Variants in PIWIL4 observed in about 807,000 individuals in gnomAD.
PIWIL4 encodes piwi like RNA-mediated gene silencing 4, also known as piwi-like protein 4.
A neutral mutation model predicts 100.9 loss-of-function variants in PIWIL4; 50 were observed. The ratio of observed to expected loss-of-function variants is 0.50; its 90% confidence interval spans 0.39 to 0.63. PIWIL4 has a LOEUF of 0.63. Ranked by LOEUF, PIWIL4 falls within the 20% of genes least tolerant of loss-of-function variation. PIWIL4 has a pLI of 0.00. For synonymous variants in PIWIL4, 342 were observed against 367.5 expected (o/e 0.93, Z 0.79); for missense variants, 887 against 1,043.3 (o/e 0.85, Z 2.06).
At chr11:94,579,785 C>T (rs1295935723) in intron 4 of PIWIL4, among the ~76,000 whole-genome samples, 1 of 152,156 alleles carries the variant, frequency 6.6e-6, no homozygotes, top group Non-Finnish European at 1.5e-5. Flanking sequence ...TTTATTGATC[C>T]TTCAATTCTT....
intron 13 of PIWIL4, 84 bp from the exon 14 acceptor site, chr11:94,607,355 A>T: frequency 8.2e-7 from 1 of 1,226,720 alleles, no homozygotes; most frequent in Non-Finnish European, 1.2e-6. Flanking sequence ...TTTGGAGAAT[A>T]ATTCATGAAT....
At chr11:94,612,597 C>CT (rs1199690188) in intron 15 of PIWIL4, among the ~76,000 whole-genome samples, 1 of 151,958 alleles carries the variant, frequency 6.6e-6, no homozygotes, top group Non-Finnish European at 1.5e-5. Flanking sequence ...TGTTTTCTGG[C>CT]TTTTTTGTAG....
intron 14 of PIWIL4, 131 bp downstream of exon 14, chr11:94,607,770 G>C: frequency 1.1e-6 from 1 of 947,312 alleles, no homozygotes; most frequent in Non-Finnish European, 1.5e-6. Flanking sequence ...CCTGGGTTCT[G>C]GCATTCCATA....
intron 2 of PIWIL4, among the ~76,000 whole-genome samples, chr11:94,570,780 T>G (rs751550377): frequency 4.6e-5 from 7 of 152,116 alleles, no homozygotes; most frequent in Non-Finnish European, 1.0e-4. Flanking sequence ...TAATCCCAGC[T>G]GCTTGGGAGG....
intron 6 of PIWIL4, among the ~76,000 whole-genome samples, chr11:94,585,929 T>G (rs1463314110): frequency 6.6e-6 from 1 of 152,146 alleles, no homozygotes; most frequent in Non-Finnish European, 1.5e-5. Flanking sequence ...ATAGAATCCT[T>G]ATGAACACCT....
chr11:94,589,125 A>G lies in PIWIL4; in HGVS notation c.919A>G (p.Asn307Asp). ...LIGLIVLTRYNNRTYSIDDID... is the reference protein window; with the variant it reads ...LIGLIVLTRYDNRTYSIDDID... Reference sequence around the variant, plus strand: ...AAGACTTTTTATATTTGGCAGATACAATAACAGAACCTACTCCATTGATGA... The same window carrying G: ...AAGACTTTTTATATTTGGCAGATACGATAACAGAACCTACTCCATTGATGA... Residue 307 changes from asparagine to aspartate, a missense_variant, in exon 8 of 20, where the codon AAT (asparagine) becomes GAT (aspartate). Asn to Asp is a conservative substitution (Grantham distance 23). This residue lies in a region of PIWIL4 where 741 missense variants were observed against 930.0 expected (regional missense o/e 0.80). Coordinates refer to ENST00000299001, the MANE Select transcript of PIWIL4 (RefSeq NM_152431.3). 4 of 1,604,598 alleles carry G rather than the reference A, an allele frequency of 2.5e-6. No homozygotes were observed. The highest frequency in any genetic ancestry group is 3.4e-6 in the Non-Finnish European group (4 of 1,172,418).
chr11:94,601,800 A>G lies in PIWIL4; in HGVS notation c.1386A>G (p.Gln462=). ...EKILMQDHIC[Q]PVSAADWSKD... is the part of the protein sequence containing the mutation. The stretch of plus-strand genomic sequence containing the variant: ...ATGATCATTATTTTTCTCAGTGTCA[A>G]CCTGTGTCTGCTGCTGACTGGTCCA... The change falls in exon 12 of 20, where the codon CAA becomes CAG. Residue 462 remains glutamine, a synonymous_variant. Transcript: ENST00000299001. The G allele has an allele frequency of 3.7e-6, 6 of 1,613,402 alleles. No homozygotes were observed. In the East Asian group the frequency reaches 6.7e-5, roughly 18 times the overall value.
intron 3 of PIWIL4, 102 bp from the exon 4 acceptor site, chr11:94,577,176 G>T: frequency 1.1e-6 from 1 of 946,792 alleles, no homozygotes; most frequent in Non-Finnish European, 1.6e-6. Flanking sequence ...TTGCTTTAAA[G>T]CAACTACTAT....
chr11:94,577,267 G>T lies in PIWIL4; in HGVS notation c.299-11G>T, dbSNP rs759656290. The T allele has an allele frequency of 6.3e-7, 1 of 1,596,328 alleles. No homozygotes were observed. The highest frequency in any genetic ancestry group is 1.8e-5 in the Admixed American group (1 of 56,956). On this transcript the variant is annotated splice_polypyrimidine_tract_variant and intron_variant, in intron 3 of 19. Coordinates refer to ENST00000299001, the MANE Select transcript of PIWIL4 (RefSeq NM_152431.3). ...CTGATTAAAAAATTGTTTTTTGTTT[G>T]TCTTCTTCAGGTTCCAGTGGAATAC...
intron 8 of PIWIL4, among the ~76,000 whole-genome samples, chr11:94,591,737 C>T (rs958501519): frequency 2.0e-5 from 3 of 152,114 alleles, no homozygotes; most frequent in African/African-American, 7.2e-5. Context: ...AGAAAGAAAA[C>T]TGTGACAGCT....
At chr11:94,576,001 C>T (rs1394801855) in intron 3 of PIWIL4, among the ~76,000 whole-genome samples, 1 of 152,170 alleles carries the variant, frequency 6.6e-6, no homozygotes, top group Non-Finnish European at 1.5e-5. Context: ...CTTGCTCCTA[C>T]CAGATATATA....
chr11:94,578,657 C>A (rs1948274203), intron 4 of PIWIL4, among the ~76,000 whole-genome samples: 1 of 152,174 alleles, frequency 6.6e-6, no homozygotes, highest in Non-Finnish European at 1.5e-5. Flanking sequence ...AATTTGATGT[C>A]TGTTCTGGCT....
At position 94,577,283 on chromosome 11, in the gene PIWIL4, A is replaced by G. The variant is rs1209028780; in HGVS notation, c.304A>G (p.Ser102Gly). ...TTTTTGTTTGTCTTCTTCAGGTTCC[A>G]GTGGAATACCTGTGAAACTGGTTAC... Reference protein sequence around the residue: ...AHVRNCKTGSSGIPVKLVTNL... With the variant: ...AHVRNCKTGSGGIPVKLVTNL... The change falls in exon 4 of 20, where the codon AGT becomes GGT. Residue 102 changes from serine to glycine, a missense_variant. By Grantham distance (56) the Ser-to-Gly change is moderately conservative (BLOSUM62 0). Coordinates refer to ENST00000299001, the MANE Select transcript of PIWIL4 (RefSeq NM_152431.3). The G allele has an allele frequency of 4.3e-6, 7 of 1,611,702 alleles. No homozygotes were observed. The highest frequency in any genetic ancestry group is 1.1e-5 in the South Asian group (1 of 90,856).
At chr11:94,606,325 T>C (rs1207283945) in intron 13 of PIWIL4, among the ~76,000 whole-genome samples, 1 of 152,230 alleles carries the variant, frequency 6.6e-6, no homozygotes, top group Non-Finnish European at 1.5e-5. Flanking sequence ...TTAAAAATAT[T>C]TTTCTTCACT....
rs769268187 is a variant in PIWIL4, at chr11:94,587,068, G to A, written c.735G>A (p.Gly245=). 1.2e-6 allele frequency: 2 copies of A among 1,612,458 alleles called. No individual in the cohort carries two copies. The highest frequency in any genetic ancestry group is 4.5e-5 in the East Asian group (2 of 44,856). Residue 245 remains glycine (G), a synonymous_variant, in exon 7 of 20, where the codon GGG becomes GGA. Coordinates refer to ENST00000299001, the MANE Select transcript of PIWIL4 (RefSeq NM_152431.3). ...TTTAAAGATTATCCCTTTGGCCTGGGTTTGCCATTTCTGTGTCATATTTTG... is the reference window on the plus strand; with the variant it reads ...TTTAAAGATTATCCCTTTGGCCTGGATTTGCCATTTCTGTGTCATATTTTG... ...IPQHKLSLWP[G]FAISVSYFER... is the part of the protein sequence containing the mutation.
chr11:94,612,070 G>T lies in PIWIL4; in HGVS notation c.1943+3384G>T, dbSNP rs151002450. On this transcript the variant is annotated intron_variant, in intron 15 of 19. Transcript: ENST00000299001. ...ACATTTTATATATCAGATTCATTTG[G>T]TCTAAAGTATAATTCAAGTCCAATG... 8.5e-5 allele frequency among the ~76,000 whole-genome samples: 13 copies of T among 152,204 alleles called. No homozygotes were observed. The East Asian group carries it at 2.3e-3, about 27-fold the overall frequency.
chr11:94,615,175 A>C (rs1948832203), intron 15 of PIWIL4, among the ~76,000 whole-genome samples: 2 of 152,142 alleles, frequency 1.3e-5, no homozygotes, highest in South Asian at 4.1e-4. Context: ...AGACTCTCCT[A>C]ACCTCCCAGC....
At chr11:94,594,328 C>T (rs7946089) in intron 9 of PIWIL4, among the ~76,000 whole-genome samples, 78,795 of 150,916 alleles carry the variant, frequency 0.52, 22,771 homozygotes, top group African/African-American at 0.79. Flanking sequence ...TAGCTGGGCC[C>T]GGTGGCACGC....
Position 94,568,644 on chromosome 11 carries a change from A to G in PIWIL4, c.88-86A>G, listed in dbSNP as rs542705627. The G allele has an allele frequency of 1.3e-4, 138 of 1,035,796 alleles. 2 individuals carry two copies. In the South Asian group the frequency reaches 1.9e-3, roughly 14 times the overall value. The allele number at this position is 1,035,796 out of a possible 1,614,324, so 64.2% of individuals were successfully genotyped here. Reference sequence around the variant, plus strand: ...TTCTTTGCCTAGTTCATGGTAATCTAAAGACCTGACACTGTTCTTAGGATA... The same window carrying G: ...TTCTTTGCCTAGTTCATGGTAATCTGAAGACCTGACACTGTTCTTAGGATA... On this transcript the variant is annotated intron_variant, in intron 1 of 19. Coordinates refer to ENST00000299001, the MANE Select transcript of PIWIL4 (RefSeq NM_152431.3).
Sources: gnomAD v4.1 joint callset for allele counts (sites outside exome capture counted in the v4.1 genomes callset) on GRCh38, gnomAD v4.1.1 for gene constraint, gnomAD v4.1.1 regional missense constraint, MANE v1.5 for transcripts, NCBI Gene and HGNC (gene_info 2026-07-23, HGNC 2026-07-21) for gene names.